Variants in PUS7 observed in about 807,000 individuals in gnomAD.
PUS7 encodes the protein pseudouridine synthase 7.
In PUS7, 48 loss-of-function variants were observed where a neutral mutation model predicts 79.8. The ratio of observed to expected loss-of-function variants is 0.60; its 90% CI spans 0.48 to 0.76. The LOEUF is 0.76. Ranked by LOEUF, PUS7 falls within the 30% of genes least tolerant of loss-of-function variation. The pLI is 0.00. For synonymous variants in PUS7, 286 were observed against 272.2 expected, an observed-to-expected ratio of 1.05 and a Z score of -0.50; for missense variants, 729 against 797.6, an observed-to-expected ratio of 0.91 and a Z score of 1.04.
At position 105,465,398 on chromosome 7, in the gene PUS7, A is replaced by G. The variant is rs975579199; in HGVS notation, c.1542T>C (p.Ile514=). Reference sequence around the variant, plus strand: ...AGTAATTATTAACATCATCTTCCTCAATATAGGTGGCTGTGGCTGTAAATT... The same window carrying G: ...AGTAATTATTAACATCATCTTCCTCGATATAGGTGGCTGTGGCTGTAAATT... ...LVLKGATATY[I]EEDDVNNYSI... The change falls in exon 13 of 16, where the codon ATT becomes ATC. Residue 514 remains isoleucine (I), a synonymous_variant. Coordinates refer to ENST00000469408, the MANE Select transcript of PUS7 (RefSeq NM_019042.5). 6.2e-7 allele frequency: 1 copy of G among 1,611,634 alleles called. No homozygotes were observed. The highest frequency in any genetic ancestry group is 1.3e-5 in the African/African-American group (1 of 75,002).
At chr7:105,485,506 G>A (rs756345248) in intron 7 of PUS7, among the ~76,000 whole-genome samples, 7 of 152,030 alleles carry the variant, frequency 4.6e-5, no homozygotes, top group African/African-American at 1.7e-4. Context: ...CACCTTGCTC[G>A]GCCTAAGTAG....
intron 7 of PUS7, among the ~76,000 whole-genome samples, chr7:105,488,695 G>A (rs1428550664): frequency 1.3e-5 from 2 of 152,054 alleles, no homozygotes; most frequent in African/African-American, 2.4e-5. Flanking sequence ...CAGGAAATAA[G>A]GTACACCATC....
chr7:105,484,456 AAAAC>A lies in PUS7; in HGVS notation c.921-2020_921-2017del, dbSNP rs199667542. The stretch of plus-strand genomic sequence containing the variant: ...ACAGCAAGATCCCATCTCTAAAATT[AAAAC>A]AAACAACTATATGGAGAAACTTTAG... On this transcript the variant is annotated intron_variant, in intron 7 of 15. Coordinates refer to ENST00000469408, the MANE Select transcript of PUS7 (RefSeq NM_019042.5). Among the ~76,000 whole-genome samples the A allele has an allele frequency of 9.5e-3, 1,443 of 151,834 alleles. 7 individuals carry two copies. Among genetic ancestry groups the A allele is most frequent in the Non-Finnish European group, 0.016 (1,066 of 67,974 alleles).
At position 105,517,166 on chromosome 7, in the gene PUS7, C is replaced by CTTTTTTTTTTTTTTTTTTT. The variant is rs1289590315; in HGVS notation, c.-33+4885_-33+4886insAAAAAAAAAAAAAAAAAAA. Among the ~76,000 whole-genome samples, 44 of 146,688 alleles carry CTTTTTTTTTTTTTTTTTTT rather than the reference C, an allele frequency of 3.0e-4. 1 individual carries two copies. The highest frequency in any genetic ancestry group is 4.6e-4 in the South Asian group (2 of 4,352). ...CCAAAACTTAAAATCCTTCACATTT[C>CTTTTTTTTTTTTTTTTTTT]TTTTTTTGGCGATGGAGTCTTACCC... is the stretch of plus-strand genomic sequence containing the variant. On this transcript the variant is annotated intron_variant, in intron 1 of 15. Transcript: ENST00000469408.
intron 7 of PUS7, among the ~76,000 whole-genome samples, chr7:105,486,780 C>T (rs915164006): frequency 6.6e-6 from 1 of 151,878 alleles, no homozygotes; most frequent in African/African-American, 2.4e-5. Flanking sequence ...ATTCACAAGG[C>T]TGGGCATGGT....
At chr7:105,492,144 A>G (rs1170809026) in intron 6 of PUS7, among the ~76,000 whole-genome samples, 4 of 151,730 alleles carry the variant, frequency 2.6e-5, no homozygotes, top group Non-Finnish European at 5.9e-5. Flanking sequence ...GCATGCACCT[A>G]CAGTCCCAGT....
Position 105,492,894 on chromosome 7 carries a change from C to T in PUS7, c.843-1277G>A, listed in dbSNP as rs537117166. On this transcript the variant is annotated intron_variant, in intron 6 of 15. Coordinates refer to ENST00000469408, the MANE Select transcript of PUS7 (RefSeq NM_019042.5). ...TCGACCTCAGGTGATCCACCCGCCT[C>T]GGCCTCCCAAAGTGCTAGGATTACA... 3.3e-5 allele frequency among the ~76,000 whole-genome samples: 5 copies of T among 152,228 alleles called. No individual in the cohort carries two copies. In the East Asian group the frequency reaches 5.8e-4, roughly 18 times the overall value.
chr7:105,467,483 G>A (rs1445003565), intron 12 of PUS7, among the ~76,000 whole-genome samples: 3 of 151,374 alleles, frequency 2.0e-5, no homozygotes, highest in Admixed American at 6.6e-5. Flanking sequence ...TAGAGACGGC[G>A]TTTCACCGTG....
At chr7:105,482,013 A>G (rs186645368) in intron 8 of PUS7, among the ~76,000 whole-genome samples, 41 of 152,332 alleles carry the variant, frequency 2.7e-4, no homozygotes, top group Middle Eastern at 6.8e-3. Flanking sequence ...TACAGGCGTG[A>G]GCCACTGCGC....
At position 105,457,884 on chromosome 7, in the gene PUS7, G is replaced by C. The variant is rs778753485; in HGVS notation, c.1892C>G (p.Pro631Arg). 1 of 1,614,082 alleles carries C rather than the reference G, an allele frequency of 6.2e-7. No homozygotes were observed. Among genetic ancestry groups the C allele is most frequent in the Admixed American group, 1.7e-5 (1 of 60,008 alleles). Residue 631 changes from proline (P) to arginine (R), a missense_variant, in exon 16 of 16, where the codon CCT becomes CGT. Physicochemically the swap from Pro to Arg is moderately radical, Grantham distance 103. Transcript: ENST00000469408. ...AATGGCCATGGTGGCGTAAGTAGAA[G>C]GGGGTAGAGAAAAATCCATTTTCAG... is the stretch of plus-strand genomic sequence containing the variant. ...RALKMDFSLP[P>R]STYATMAIRE...
chr7:105,502,690 C>T lies in PUS7; in HGVS notation c.586-126G>A, dbSNP rs983273975. 1.1e-5 allele frequency: 12 copies of T among 1,053,666 alleles called. 1 individual carries two copies. Among genetic ancestry groups the T allele is most frequent in the South Asian group, 5.8e-5 (4 of 68,552 alleles). 65.3% of individuals were successfully genotyped at this position (1,053,666 alleles called of 1,614,324 possible). A position where few individuals can be genotyped will look rare whatever the true frequency, so the allele number is the denominator to read the frequency against. On this transcript the variant is annotated intron_variant, in intron 4 of 15. Transcript: ENST00000469408. ...GCAAAATAACAAAAGTGCCTGCATACGATTTCAAAAATCTTTTATTTTTAT... is the reference window on the plus strand; with the variant it reads ...GCAAAATAACAAAAGTGCCTGCATATGATTTCAAAAATCTTTTATTTTTAT...
intron 5 of PUS7, among the ~76,000 whole-genome samples, chr7:105,498,873 C>T (rs1434433776): frequency 1.3e-5 from 2 of 152,126 alleles, no homozygotes; most frequent in Non-Finnish European, 2.9e-5. Context: ...GTGATCTGCC[C>T]GCCTCGGCCT....
In PUS7 at chr7:105,506,189, C is replaced by T; in HGVS notation, c.483G>A (p.Glu161=). ...ACATTTGCTAAAGAGCTACTTCTAC[C>T]TCCTCATCCACTGGAATGGACAAGT... The part of the protein sequence containing the change: ...LNDLSIPVDE[E]DPSEDIFTVL... Residue 161 remains glutamate, a splice_region_variant and synonymous_variant, in exon 3 of 16, where the codon GAG becomes GAA. Transcript: ENST00000469408. The T allele has an allele frequency of 6.2e-7, 1 of 1,608,406 alleles. No homozygotes were observed. Among genetic ancestry groups the T allele is most frequent in the Non-Finnish European group, 8.5e-7 (1 of 1,177,008 alleles).
intron 7 of PUS7, among the ~76,000 whole-genome samples, chr7:105,490,928 C>T (rs558677410): frequency 6.6e-6 from 1 of 152,272 alleles, no homozygotes; most frequent in South Asian, 2.1e-4. Context: ...AGGGATGCTG[C>T]AAAACATCCT....
At chr7:105,469,319 C>A (rs181263365) in intron 11 of PUS7, among the ~76,000 whole-genome samples, 1 of 150,080 alleles carries the variant, frequency 6.7e-6, no homozygotes. Flanking sequence ...GAGACAAGGT[C>A]TCACTCTGTC....
chr7:105,508,667 G>T, intron 1 of PUS7, 123 bp from the exon 2 acceptor site: 2 of 1,299,528 alleles, frequency 1.5e-6, no homozygotes, highest in Non-Finnish European at 2.0e-6. Context: ...ATCACTTGAG[G>T]TCAGGAGTTC....
intron 11 of PUS7, among the ~76,000 whole-genome samples, chr7:105,469,753 C>T (rs537962457): frequency 4.6e-5 from 7 of 152,280 alleles, no homozygotes; most frequent in South Asian, 2.1e-4. Flanking sequence ...AGCCACTGCG[C>T]GGGCCTGTTT....
chr7:105,475,255 G>C (rs1301811842), intron 9 of PUS7, among the ~76,000 whole-genome samples: 1 of 151,948 alleles, frequency 6.6e-6, no homozygotes, highest in Non-Finnish European at 1.5e-5. Context: ...GCACGATCTC[G>C]GCTCACTGCA....
intron 1 of PUS7, among the ~76,000 whole-genome samples, chr7:105,510,818 T>C (rs1452564260): frequency 1.3e-5 from 2 of 152,044 alleles, no homozygotes; most frequent in Non-Finnish European, 2.9e-5. Flanking sequence ...TCTGGTCTAA[T>C]TTGATGCTCT....
Sources: allele counts gnomAD v4.1 joint callset (sites outside exome capture counted in the v4.1 genomes callset), GRCh38; gene constraint gnomAD v4.1.1; transcripts MANE v1.5; gene names NCBI Gene and HGNC (gene_info 2026-07-23, HGNC 2026-07-21).